The following GLG1 variants were observed in gnomAD, a reference collection of about 807,000 sequenced individuals.
The protein encoded by GLG1 is golgi glycoprotein 1.
GLG1 carries 38 observed loss-of-function variants against 160.5 expected under a neutral mutation model. That is an observed-to-expected ratio of 0.24 (90% CI 0.18 to 0.31). GLG1 has a LOEUF of 0.31. Ranked by LOEUF, GLG1 falls within the 10% of genes least tolerant of loss-of-function variation. The pLI is 1.00. For missense variants in GLG1, 1,373 were observed against 1,505.2 expected, an observed-to-expected ratio of 0.91 and a Z score of 1.45; for synonymous variants, 644 against 543.4, an observed-to-expected ratio of 1.19 and a Z score of -2.57.
Position 74,472,387 on chromosome 16 carries a change from T to C in GLG1, c.2077A>G (p.Met693Val). Residue 693 changes from methionine (M) to valine (V), a missense_variant, in exon 14 of 26, where the codon ATG becomes GTG. Coordinates refer to ENST00000422840, the MANE Select transcript of GLG1 (RefSeq NM_001145667.2). Reference protein sequence around the residue: ...SEDIQIEALLMRACEPIIQNF... With the variant: ...SEDIQIEALLVRACEPIIQNF... ...TGAATTATGGGCTCACAGGCTCTCATCAGCAAGGCTTCTATTTGAATATCC... is the reference window on the plus strand; with the variant it reads ...TGAATTATGGGCTCACAGGCTCTCACCAGCAAGGCTTCTATTTGAATATCC... 6.2e-7 allele frequency: 1 copy of C among 1,611,048 alleles called. No individual in the cohort carries two copies. Among genetic ancestry groups the C allele is most frequent in the Non-Finnish European group, 8.5e-7 (1 of 1,177,246 alleles).
chr16:74,601,204 C>T (rs1426104542), intron 1 of GLG1, among the ~76,000 whole-genome samples: 1 of 152,042 alleles, frequency 6.6e-6, no homozygotes, highest in African/African-American at 2.4e-5. Context: ...CATATATAAT[C>T]CTAGAAACTT....
Position 74,585,078 on chromosome 16 carries a change from A to C in GLG1, c.438+21579T>G, listed in dbSNP as rs1206172971. Among the ~76,000 whole-genome samples, 6 of 152,156 alleles carry C rather than the reference A, an allele frequency of 3.9e-5. 1 individual carries two copies. The highest frequency in any genetic ancestry group is 7.3e-5 in the Non-Finnish European group (5 of 68,028). On this transcript the variant is annotated intron_variant, in intron 1 of 25. Coordinates refer to ENST00000422840, the MANE Select transcript of GLG1 (RefSeq NM_001145667.2). ...CTATTGAAATAAAAAAAATTTTTAA[A>C]ACCCTATCTTTAAATCGCAGATTCA... is the stretch of plus-strand genomic sequence containing the variant.
Position 74,448,902 on chromosome 16 carries a change from A to C in GLG1, c.*4265T>G, listed in dbSNP as rs1049704315. 6.6e-6 allele frequency: 1 copy of C among 152,020 alleles called. No individual in the cohort carries two copies. Among genetic ancestry groups the C allele is most frequent in the Non-Finnish European group, 1.5e-5 (1 of 68,040 alleles). The allele number at this position is 152,020 out of a possible 1,614,324, so 9.4% of individuals were successfully genotyped here. On this transcript the variant is annotated 3_prime_UTR_variant, in exon 26 of 26. Transcript: ENST00000422840. ...CACATCATGAGGTCAGGAGATGGAG[A>C]CCATCCTGGACAACACGGTGAAACC...
chr16:74,478,723 C>T (rs1233465899), intron 11 of GLG1, among the ~76,000 whole-genome samples: 6 of 151,628 alleles, frequency 4.0e-5, no homozygotes, highest in Admixed American at 6.6e-5. Flanking sequence ...ACCAGCCTGA[C>T]CAATATGGAG....
chr16:74,574,063 A>G (rs4888256), intron 1 of GLG1, among the ~76,000 whole-genome samples: 111,449 of 152,118 alleles, frequency 0.73, 41,315 homozygotes, highest in African/African-American at 0.84. Flanking sequence ...ATGCGTGTGC[A>G]CGCGCACACA....
At chr16:74,479,030 AC>A (rs1229576405) in intron 11 of GLG1, among the ~76,000 whole-genome samples, 1 of 125,578 alleles carries the variant, frequency 8.0e-6, no homozygotes, top group African/African-American at 2.9e-5. Context: ...ACATGGAGAA[AC>A]CCCGTCTCTA....
At chr16:74,600,712 A>T (rs1296945236) in intron 1 of GLG1, among the ~76,000 whole-genome samples, 1 of 144,090 alleles carries the variant, frequency 6.9e-6, no homozygotes, top group East Asian at 2.0e-4. Flanking sequence ...AATCTGGGCG[A>T]CTGAGAAAGA....
chr16:74,473,767 G>T (rs2015299528), intron 13 of GLG1, among the ~76,000 whole-genome samples: 1 of 151,870 alleles, frequency 6.6e-6, no homozygotes, highest in African/African-American at 2.4e-5. Flanking sequence ...ATATTTTAGT[G>T]GGTTTCAGGA....
At chr16:74,482,745 T>C (rs2015648986) in intron 10 of GLG1, among the ~76,000 whole-genome samples, 1 of 152,214 alleles carries the variant, frequency 6.6e-6, no homozygotes, top group African/African-American at 2.4e-5. Context: ...TACTTCTTAC[T>C]AGACAGATCT....
At position 74,448,223 on chromosome 16, in the gene GLG1, T is replaced by A. The variant is rs1002137487; in HGVS notation, c.*4944A>T. 5.3e-5 allele frequency: 8 copies of A among 152,204 alleles called. No homozygotes were observed. Among genetic ancestry groups the A allele is most frequent in the Admixed American group, 5.2e-4 (8 of 15,268 alleles). 9.4% of individuals were successfully genotyped at this position (152,204 alleles called of 1,614,324 possible). A position where few individuals can be genotyped will look rare whatever the true frequency, so the allele number is the denominator to read the frequency against. On this transcript the variant is annotated 3_prime_UTR_variant, in exon 26 of 26. Transcript: ENST00000422840. ...AGGAAGGACCAAGAAGGGGTGCAGT[T>A]AGAGGGATGAGCAACCAAAGACCAA...
intron 1 of GLG1, among the ~76,000 whole-genome samples, chr16:74,550,380 T>C (rs1179033884): frequency 1.3e-5 from 2 of 151,994 alleles, no homozygotes; most frequent in Non-Finnish European, 2.9e-5. Flanking sequence ...CTGGTCAATA[T>C]GTTGGCTTAC....
chr16:74,462,264 GA>G (rs925388929), intron 21 of GLG1, 69 bp from the exon 22 acceptor site: 739 of 699,584 alleles, frequency 1.1e-3, no homozygotes, highest in South Asian at 1.8e-3. Flanking sequence ...AGCAGGACAT[GA>G]AAAAAAAAAC....
intron 14 of GLG1, among the ~76,000 whole-genome samples, chr16:74,472,046 A>C (rs543469550): frequency 6.6e-6 from 1 of 152,252 alleles, no homozygotes; most frequent in South Asian, 2.1e-4. Flanking sequence ...CTGGAACTAC[A>C]GGTGTGTACC....
intron 2 of GLG1, among the ~76,000 whole-genome samples, chr16:74,518,219 CA>C (rs1329104179): frequency 3.3e-5 from 5 of 152,004 alleles, no homozygotes; most frequent in Non-Finnish European, 7.4e-5. Flanking sequence ...CATATGGAGC[CA>C]AAAAAGAGCT....
chr16:74,533,187 G>T (rs868700820), intron 1 of GLG1, among the ~76,000 whole-genome samples: 1 of 152,102 alleles, frequency 6.6e-6, no homozygotes, highest in Non-Finnish European at 1.5e-5. Flanking sequence ...CGGGCGTGGT[G>T]GCAGGCGCCT....
chr16:74,495,749 T>A (rs528539828), intron 5 of GLG1, among the ~76,000 whole-genome samples: 1 of 152,170 alleles, frequency 6.6e-6, no homozygotes, highest in African/African-American at 2.4e-5. Context: ...AAAATTCCTA[T>A]AGATAAAACA....
At chr16:74,519,565 G>A (rs117299330) in intron 2 of GLG1, among the ~76,000 whole-genome samples, 11 of 147,598 alleles carry the variant, frequency 7.5e-5, no homozygotes, top group African/African-American at 9.9e-5. Flanking sequence ...ACTGGTTTTT[G>A]AAAAAAAAAA....
Position 74,521,559 on chromosome 16 carries a change from T to C in GLG1, c.471+10562A>G, listed in dbSNP as rs979236622. 2.6e-5 allele frequency among the ~76,000 whole-genome samples: 4 copies of C among 151,842 alleles called. No homozygotes were observed. The South Asian group carries it at 6.2e-4, about 24-fold the overall frequency. On this transcript the variant is annotated intron_variant, in intron 2 of 25. Coordinates refer to ENST00000422840, the MANE Select transcript of GLG1 (RefSeq NM_001145667.2). ...TTTCTGATTTGAGCAACCAGAAGAA[T>C]AGAGGAGCCACTAGTGGGGATGGGG...
intron 1 of GLG1, among the ~76,000 whole-genome samples, chr16:74,584,781 T>C (rs555517536): frequency 6.6e-6 from 1 of 151,994 alleles, no homozygotes; most frequent in East Asian, 1.9e-4. Flanking sequence ...CTGGGTGTGG[T>C]GGTGCGCGCC....
Sources: allele counts gnomAD v4.1 joint callset (sites outside exome capture counted in the v4.1 genomes callset), GRCh38; gene constraint gnomAD v4.1.1; transcripts MANE v1.5; gene names NCBI Gene and HGNC (gene_info 2026-07-23, HGNC 2026-07-21).